The following ICAM3 variants were observed in gnomAD, a reference collection of about 807,000 sequenced individuals.
The protein encoded by ICAM3 is ICAM-3.
ICAM3 carries 54 observed loss-of-function variants against 43.6 expected under a neutral mutation model. That is an observed-to-expected ratio of 1.24 (90% CI 0.99 to 1.55). The LOEUF (loss-of-function observed/expected upper bound fraction) is 1.55, where lower values mean the gene tolerates loss of function less well. Among genes scored for constraint, ICAM3 ranks in the 40% most tolerant of loss-of-function variants. The pLI is 0.00. For synonymous variants in ICAM3, 306 were observed against 312.6 expected, an observed-to-expected ratio of 0.98 and a Z score of 0.22; for missense variants, 715 against 717.9, an observed-to-expected ratio of 1.00 and a Z score of 0.05.
At position 10,335,096 on chromosome 19, in the gene ICAM3, G is replaced by A. The variant is rs751092139; in HGVS notation, c.907C>T (p.Arg303Trp). 6 of 1,612,812 alleles carry A rather than the reference G, an allele frequency of 3.7e-6. No homozygotes were observed. Among genetic ancestry groups the A allele is most frequent in the Admixed American group, 1.7e-5 (1 of 59,932 alleles). ...VCNVTLGGER[R>W]EARENLTVFS... ...ACCGTCAAGTTCTCCCGGGCCTCCC[G>A]TCTCTCGCCCCCTAGGGTCACGTTG... is the stretch of plus-strand genomic sequence containing the variant. The change falls in exon 4 of 7, where the codon CGG (arginine) becomes TGG (tryptophan). Residue 303 changes from arginine (R) to tryptophan (W), a missense_variant. Arg to Trp is a moderately radical substitution (Grantham distance 101). Transcript: ENST00000160262.
chr19:10,335,521 C>T, intron 3 of ICAM3, 150 bp downstream of exon 3: 1 of 1,108,484 alleles, frequency 9.0e-7, no homozygotes. Context: ...CTCGGGCCTC[C>T]CTTCCGGGGC....
chr19:10,336,746 C>T (rs1221033350), intron 2 of ICAM3, among the ~76,000 whole-genome samples: 1 of 139,322 alleles, frequency 7.2e-6, no homozygotes, highest in Non-Finnish European at 1.5e-5. Context: ...GCAAAATTTG[C>T]AGTGAGCTGA....
At chr19:10,335,595 C>A (rs1434308874) in intron 3 of ICAM3, 76 bp downstream of exon 3, 1 of 1,421,814 alleles carries the variant, frequency 7.0e-7, no homozygotes, top group Non-Finnish European at 9.6e-7. Context: ...GTACCCCACT[C>A]TCAGGAACCC....
rs757719580 is a variant in ICAM3 at position 10,335,106 on chromosome 19, C to T, written c.897G>A (p.Gly299=). Residue 299 remains glycine, a synonymous_variant, in exon 4 of 7, where the codon GGG becomes GGA. Transcript: ENST00000160262. Reference sequence around the variant, plus strand: ...TCTCCCGGGCCTCCCGTCTCTCGCCCCCTAGGGTCACGTTGCAGACGATCT... The same window carrying T: ...TCTCCCGGGCCTCCCGTCTCTCGCCTCCTAGGGTCACGTTGCAGACGATCT... ...AREIVCNVTL[G]GERREARENL... The T allele has an allele frequency of 2.5e-6, 4 of 1,613,452 alleles. No homozygotes were observed. Among genetic ancestry groups the T allele is most frequent in the East Asian group, 4.5e-5 (2 of 44,850 alleles).
Position 10,335,237 on chromosome 19 carries a change from G to C in ICAM3, c.766C>G (p.Leu256Val). 1 of 1,613,836 alleles carries C rather than the reference G, an allele frequency of 6.2e-7. No individual in the cohort carries two copies. The highest frequency in any genetic ancestry group is 8.5e-7 in the Non-Finnish European group (1 of 1,180,030). ...TTCAGCATCTGGTCCCCCAGCGCCA[G>C]GTAGACCTGGGCCTCTGAGGCTGGA... Reference protein sequence around the residue: ...LFPASEAQVYLALGDQMLNAT... With the variant: ...LFPASEAQVYVALGDQMLNAT... Residue 256 changes from leucine to valine, a missense_variant, in exon 4 of 7, where the codon CTG (leucine) becomes GTG (valine). Coordinates refer to ENST00000160262, the MANE Select transcript of ICAM3 (RefSeq NM_002162.5).
chr19:10,335,628 C>A, intron 3 of ICAM3, 43 bp downstream of exon 3: 1 of 1,542,276 alleles, frequency 6.5e-7, no homozygotes, highest in Non-Finnish European at 8.8e-7. Context: ...ACCGTCTACC[C>A]TGGCTCAGCT....
chr19:10,335,263 A>G lies in ICAM3; in HGVS notation c.740T>C (p.Phe247Ser). The G allele has an allele frequency of 6.2e-7, 1 of 1,613,514 alleles. No individual in the cohort carries two copies. Among genetic ancestry groups the G allele is most frequent in the Non-Finnish European group, 8.5e-7 (1 of 1,179,990 alleles). Residue 247 changes from phenylalanine to serine, a missense_variant, in exon 4 of 7, where the codon TTT becomes TCT. Transcript: ENST00000160262. ...WPVDCTLDGLFPASEAQVYLA... is the reference protein window; with the variant it reads ...WPVDCTLDGLSPASEAQVYLA... ...GTAGACCTGGGCCTCTGAGGCTGGA[A>G]AAAGCCCGTCTAGGGTGCAGTCCAC...
At chr19:10,335,470 A>C in intron 3 of ICAM3, 117 bp from the exon 4 acceptor site, 1 of 1,141,234 alleles carries the variant, frequency 8.8e-7, no homozygotes, top group Non-Finnish European at 1.2e-6. Flanking sequence ...CAGGACACAC[A>C]CACAGGGCCA....
rs761513245 is a variant in ICAM3 at position 10,335,079 on chromosome 19, G to A, written c.924C>T (p.Asn308=). The A allele has an allele frequency of 1.2e-6, 2 of 1,612,920 alleles. No individual in the cohort carries two copies. Among genetic ancestry groups the A allele is most frequent in the Non-Finnish European group, 8.5e-7 (1 of 1,179,444 alleles). Residue 308 remains asparagine, a synonymous_variant, in exon 4 of 7, where the codon AAC becomes AAT. Transcript: ENST00000160262. ...GCCTCCTCTTACTAAAGACCGTCAA[G>A]TTCTCCCGGGCCTCCCGTCTCTCGC... ...LGGERREARE[N]LTVFSFLGPI... is the part of the protein sequence containing the mutation.
intron 1 of ICAM3, chr19:10,339,179 G>T (rs1383757660): frequency 3.3e-6 from 2 of 599,112 alleles, no homozygotes; most frequent in Non-Finnish European, 5.9e-6. Flanking sequence ...CTTCCTGGAA[G>T]CGGGGACCAT....
Position 10,334,256 on chromosome 19 carries a change from G to C in ICAM3, c.1345C>G (p.Pro449Ala). 6.2e-7 allele frequency: 1 copy of C among 1,614,134 alleles called. No individual in the cohort carries two copies. The highest frequency in any genetic ancestry group is 1.1e-5 in the South Asian group (1 of 91,084). ...TTATGTGTTACGTTGACGAAGAACG[G>C]GATCCCCACCGGCACCTCCCGGCTG... ...GSSREVPVGI[P>A]FFVNVTHNGT... The change falls in exon 6 of 7, where the codon CCG (proline) becomes GCG (alanine). Residue 449 changes from proline (P) to alanine (A), a missense_variant. By Grantham distance (27) the Pro-to-Ala change is conservative (BLOSUM62 -1). Transcript: ENST00000160262. The surrounding 1 kb of genome is among the most constrained non-coding windows in gnomAD (Gnocchi z 5.5).
chr19:10,334,277 G>A lies in ICAM3; in HGVS notation c.1324C>T (p.Arg442Trp), dbSNP rs1276431442. 5 of 1,614,048 alleles carry A rather than the reference G, an allele frequency of 3.1e-6. No individual in the cohort carries two copies. In the African/African-American group the frequency reaches 5.3e-5, roughly 17 times the overall value. ...ELRCLKEGSS[R>W]EVPVGIPFFV... ...AACGGGATCCCCACCGGCACCTCCCGGCTGGAGCCTTCCTTCAAACACCGC... is the reference window on the plus strand; with the variant it reads ...AACGGGATCCCCACCGGCACCTCCCAGCTGGAGCCTTCCTTCAAACACCGC... Residue 442 changes from arginine (R) to tryptophan (W), a missense_variant, in exon 6 of 7, where the codon CGG (arginine) becomes TGG (tryptophan). Coordinates refer to ENST00000160262, the MANE Select transcript of ICAM3 (RefSeq NM_002162.5). The surrounding 1 kb of genome is among the most constrained non-coding windows in gnomAD (Gnocchi z 5.5).
intron 3 of ICAM3, 67 bp from the exon 4 acceptor site, chr19:10,335,420 C>G: frequency 7.1e-7 from 1 of 1,411,040 alleles, no homozygotes; most frequent in African/African-American, 1.4e-5. Flanking sequence ...CCTCATCCCC[C>G]CCAGTCAGGA....
At position 10,334,115 on chromosome 19, in the gene ICAM3, C is replaced by G. The variant is rs755474269; in HGVS notation, c.1441+45G>C. Reference sequence around the variant, plus strand: ...GTCCCTTCTGTCTCCAACCCCCCCGCCCCCCGGCTTACCGGTCCAGACCCG... The same window carrying G: ...GTCCCTTCTGTCTCCAACCCCCCCGGCCCCCGGCTTACCGGTCCAGACCCG... On this transcript the variant is annotated intron_variant, in intron 6 of 6. Transcript: ENST00000160262. This position sits in a 1 kb window ranked among gnomAD's most constrained non-coding sequence, Gnocchi z 5.5. 11 of 1,603,000 alleles carry G rather than the reference C, an allele frequency of 6.9e-6. No individual in the cohort carries two copies. Among genetic ancestry groups the G allele is most frequent in the Non-Finnish European group, 9.4e-6 (11 of 1,170,938 alleles).
rs1318906064 is a variant in ICAM3, at chr19:10,333,908, CGT to C, written c.1591_1592del (p.Thr531ValfsTer16). 1 of 1,614,150 alleles carries C rather than the reference CGT, an allele frequency of 6.2e-7. No individual in the cohort carries two copies. The highest frequency in any genetic ancestry group is 8.5e-7 in the Non-Finnish European group (1 of 1,180,028). On this transcript the variant is annotated frameshift_variant, in exon 7 of 7. Transcript: ENST00000160262. LOFTEE classifies it low-confidence loss of function (END_TRUNC). The surrounding 1 kb of genome is among the most constrained non-coding windows in gnomAD (Gnocchi z 4.2). ...VREESTYLPL[T>X]SMQPTEAMGE... ...CCATTGCTTCTGTCGGCTGCATAGA[CGT>C]GAGGGGCAGATAGGTGCTCTCCTCC...
chr19:10,336,599 A>G (rs1453866267), intron 2 of ICAM3, among the ~76,000 whole-genome samples: 1 of 152,060 alleles, frequency 6.6e-6, no homozygotes, highest in African/African-American at 2.4e-5. Flanking sequence ...TGAGACCAGG[A>G]GTTCAAGACC....
chr19:10,336,980 C>T (rs374301951), intron 2 of ICAM3, among the ~76,000 whole-genome samples: 123 of 151,586 alleles, frequency 8.1e-4, no homozygotes, highest in African/African-American at 2.8e-3. Flanking sequence ...CATGGTGTCA[C>T]ACGCCTGTAA....
rs2040572055 is a variant in ICAM3, at chr19:10,334,977, C to G, written c.937+89G>C. The G allele has an allele frequency of 4.6e-6, 7 of 1,520,890 alleles. No homozygotes were observed. The highest frequency in any genetic ancestry group is 6.2e-6 in the Non-Finnish European group (7 of 1,123,020). 94.2% of individuals were successfully genotyped at this position (1,520,890 alleles called of 1,614,324 possible). A position where few individuals can be genotyped will look rare whatever the true frequency, so the allele number is the denominator to read the frequency against. On this transcript the variant is annotated intron_variant, in intron 4 of 6. Transcript: ENST00000160262. The surrounding 1 kb of genome is among the most constrained non-coding windows in gnomAD (Gnocchi z 5.5). The stretch of plus-strand genomic sequence containing the variant: ...ACGTTGCAACTGCTATTGGGGCAAG[C>G]CAGGCCCCACCTTTTCGGCTAGTCT...
chr19:10,339,054 G>A, intron 1 of ICAM3, 106 bp from the exon 2 acceptor site: 1 of 1,240,022 alleles, frequency 8.1e-7, no homozygotes, highest in Non-Finnish European at 1.1e-6. Flanking sequence ...AGACAGAAGG[G>A]TTCCTGCCTT....
Sources: gnomAD v4.1 joint callset for allele counts (sites outside exome capture counted in the v4.1 genomes callset) on GRCh38, gnomAD v4.1.1 for gene constraint, Gnocchi (gnomAD v3.1) non-coding constraint, MANE v1.5 for transcripts, NCBI Gene and HGNC (gene_info 2026-07-23, HGNC 2026-07-21) for gene names.